The following ANXA10 variants were observed in gnomAD, a reference collection of about 807,000 sequenced individuals.
The protein encoded by ANXA10 is annexin 14.
In ANXA10, 49 loss-of-function variants were observed where a neutral mutation model predicts 53.5. The ratio of observed to expected loss-of-function variants is 0.92; its 90% CI spans 0.73 to 1.16. The LOEUF (loss-of-function observed/expected upper bound fraction) is 1.16, where lower values mean the gene tolerates loss of function less well. Ranked by LOEUF, ANXA10 falls within the 50% of genes most tolerant of loss-of-function variation. The pLI is 0.00. For missense variants in ANXA10, 393 were observed against 394.4 expected (o/e 1.00, Z 0.03); for synonymous variants, 131 against 128.9 (o/e 1.02, Z -0.11).
At chr4:168,180,086 G>A (rs1367745856) in intron 9 of ANXA10, among the ~76,000 whole-genome samples, 1 of 152,024 alleles carries the variant, frequency 6.6e-6, no homozygotes, top group African/African-American at 2.4e-5. Flanking sequence ...AGGCATACAC[G>A]GGCGTGAGAG....
At position 168,093,689 on chromosome 4, in the gene ANXA10, A is replaced by T. The variant is rs559743315; in HGVS notation, c.18+971A>T. Among the ~76,000 whole-genome samples, 77 of 152,274 alleles carry T rather than the reference A, an allele frequency of 5.1e-4. No homozygotes were observed. The South Asian group carries it at 6.0e-3, about 12-fold the overall frequency. On this transcript the variant is annotated intron_variant, in intron 1 of 11. Coordinates refer to ENST00000359299, the MANE Select transcript of ANXA10 (RefSeq NM_007193.5). ...GAGACTCCATCTCAAAAAACAAAAA[A>T]CAACTTTCTGGGAACTTTTATGCAA...
chr4:168,178,356 TC>T (rs1732173544), intron 8 of ANXA10: 1 of 190,354 alleles, frequency 5.3e-6, no homozygotes, highest in South Asian at 1.0e-4. Flanking sequence ...AGTATTGATG[TC>T]ATGATTTCTG....
At chr4:168,146,704 G>A (rs1427783412) in intron 3 of ANXA10, among the ~76,000 whole-genome samples, 5 of 152,184 alleles carry the variant, frequency 3.3e-5, no homozygotes, top group African/African-American at 7.2e-5. Context: ...ACTGTGGACA[G>A]CTGCAAGAAG....
At chr4:168,103,841 TTC>T (rs1226365554) in intron 1 of ANXA10, among the ~76,000 whole-genome samples, 6 of 151,914 alleles carry the variant, frequency 3.9e-5, no homozygotes, top group African/African-American at 1.4e-4. Context: ...GTCAGAAGTA[TTC>T]TGTTTCTTCT....
intron 1 of ANXA10, among the ~76,000 whole-genome samples, chr4:168,121,533 G>A (rs573691955): frequency 6.6e-6 from 1 of 151,970 alleles, no homozygotes; most frequent in South Asian, 2.1e-4. Flanking sequence ...TTTTTAAAGT[G>A]AATAGTTTAA....
intron 3 of ANXA10, among the ~76,000 whole-genome samples, chr4:168,153,936 TC>T (rs2149474801): frequency 6.6e-6 from 1 of 151,978 alleles, no homozygotes; most frequent in South Asian, 2.1e-4. Context: ...TTATATTATT[TC>T]TTTTTTTTTT....
At chr4:168,179,662 C>G (rs956718711) in intron 9 of ANXA10, among the ~76,000 whole-genome samples, 1 of 152,050 alleles carries the variant, frequency 6.6e-6, no homozygotes, top group South Asian at 2.1e-4. Context: ...GTCCAAGAGC[C>G]GATAAATACT....
chr4:168,132,687 T>C (rs1027643426), intron 2 of ANXA10, among the ~76,000 whole-genome samples: 4 of 152,152 alleles, frequency 2.6e-5, no homozygotes, highest in Admixed American at 2.0e-4. Context: ...CCATTCTTCA[T>C]GATGTGCTTA....
chr4:168,157,675 A>G (rs1731712842), intron 3 of ANXA10, among the ~76,000 whole-genome samples: 1 of 152,154 alleles, frequency 6.6e-6, no homozygotes, highest in Admixed American at 6.6e-5. Flanking sequence ...TTGTCCTTAT[A>G]GATGAATTTT....
At chr4:168,166,369 T>C (rs1357609430) in intron 6 of ANXA10, among the ~76,000 whole-genome samples, 1 of 152,228 alleles carries the variant, frequency 6.6e-6, no homozygotes, top group Non-Finnish European at 1.5e-5. Flanking sequence ...GATATATAAG[T>C]ATTTCCATTT....
Position 168,152,742 on chromosome 4 carries a change from A to C in ANXA10, c.196-9786A>C, listed in dbSNP as rs377514286. Among the ~76,000 whole-genome samples, 9 of 149,556 alleles carry C rather than the reference A, an allele frequency of 6.0e-5. No homozygotes were observed. In the East Asian group the frequency reaches 1.4e-3, roughly 23 times the overall value. ...ATATATATATGTATCGCCTCCCAGC[A>C]ATTCTATTTATATAAAATATATTTT... On this transcript the variant is annotated intron_variant, in intron 3 of 11. Transcript: ENST00000359299.
chr4:168,113,651 C>T (rs1228480723), intron 1 of ANXA10, among the ~76,000 whole-genome samples: 3 of 152,206 alleles, frequency 2.0e-5, no homozygotes. Context: ...AGAGGCTCCA[C>T]CTTCTGATCC....
rs1165670276 is a variant in ANXA10, at chr4:168,181,745, AG to A, written c.783+5del. On this transcript the variant is annotated splice_donor_5th_base_variant and intron_variant, in intron 10 of 11. Coordinates refer to ENST00000359299, the MANE Select transcript of ANXA10 (RefSeq NM_007193.5). Reference sequence around the variant, plus strand: ...TAGATTATATAGTGCAATTCATGTAAGTAAGACATATATTTTTAAAATTTCT... The same window carrying A: ...TAGATTATATAGTGCAATTCATGTAATAAGACATATATTTTTAAAATTTCT... 4 of 1,560,350 alleles carry A rather than the reference AG, an allele frequency of 2.6e-6. No individual in the cohort carries two copies. Among genetic ancestry groups the A allele is most frequent in the Non-Finnish European group, 3.5e-6 (4 of 1,137,902 alleles).
chr4:168,167,489 T>C (rs1176460826), intron 6 of ANXA10, among the ~76,000 whole-genome samples: 1 of 152,218 alleles, frequency 6.6e-6, no homozygotes, highest in Non-Finnish European at 1.5e-5. Flanking sequence ...TAATTTACAA[T>C]GGATTTATCA....
At chr4:168,112,152 C>T (rs867282262) in intron 1 of ANXA10, among the ~76,000 whole-genome samples, 8 of 151,942 alleles carry the variant, frequency 5.3e-5, no homozygotes, top group Non-Finnish European at 7.4e-5. Flanking sequence ...AAAAATTAGC[C>T]GGGCGTGGTG....
chr4:168,174,983 G>A (rs1732093947), intron 6 of ANXA10, among the ~76,000 whole-genome samples: 1 of 152,138 alleles, frequency 6.6e-6, no homozygotes, highest in Admixed American at 6.5e-5. Context: ...TAAGACAAAT[G>A]GGTATCATTA....
chr4:168,101,484 T>C (rs1036585339), intron 1 of ANXA10, among the ~76,000 whole-genome samples: 1 of 140,408 alleles, frequency 7.1e-6, no homozygotes. Context: ...TTTTCTCTTT[T>C]CTTTGTGTTT....
At position 168,110,252 on chromosome 4, in the gene ANXA10, C is replaced by T. The variant is rs186829374; in HGVS notation, c.18+17534C>T. Among the ~76,000 whole-genome samples, 36 of 152,006 alleles carry T rather than the reference C, an allele frequency of 2.4e-4. 1 individual carries two copies. In the East Asian group the frequency reaches 6.6e-3, roughly 28 times the overall value. On this transcript the variant is annotated intron_variant, in intron 1 of 11. Coordinates refer to ENST00000359299, the MANE Select transcript of ANXA10 (RefSeq NM_007193.5). ...ATTTTAAAAAATAAAAATAAATAAA[C>T]TCCATGTTAGAAGTAGAAACCTGTT...
At chr4:168,123,291 A>AC (rs1553997580) in intron 1 of ANXA10, among the ~76,000 whole-genome samples, 5 of 151,368 alleles carry the variant, frequency 3.3e-5, no homozygotes, top group African/African-American at 1.2e-4. Context: ...AACAAAAAAA[A>AC]CCCAGACTTT....
Sources: gnomAD v4.1 joint callset for allele counts (sites outside exome capture counted in the v4.1 genomes callset) on GRCh38, gnomAD v4.1.1 for gene constraint, MANE v1.5 for transcripts, NCBI Gene and HGNC (gene_info 2026-07-23, HGNC 2026-07-21) for gene names.